PRKG1: variants seen among roughly 807,000 people sequenced by gnomAD.
PRKG1 encodes cGMP-dependent protein kinase 1.
Under a neutral mutation model 88.1 loss-of-function variants are expected in PRKG1, and 35 were observed. The ratio of observed to expected loss-of-function variants is 0.40; its 90% CI spans 0.30 to 0.53. The LOEUF (loss-of-function observed/expected upper bound fraction) is 0.53, where lower values mean the gene tolerates loss of function less well. Among genes scored for constraint, PRKG1 ranks in the 20% least tolerant of loss-of-function variants. The pLI, the probability that PRKG1 is intolerant of heterozygous loss-of-function variation, is 0.59. For missense variants in PRKG1, 540 were observed against 839.8 expected, an observed-to-expected ratio of 0.64 and a Z score of 4.41; for synonymous variants, 303 against 292.5, an observed-to-expected ratio of 1.04 and a Z score of -0.37.
chr10:51,020,126 G>A lies in PRKG1; in HGVS notation c.266+28482G>A, dbSNP rs746946263. On this transcript the variant is annotated intron_variant, in intron 1 of 17. Transcript: ENST00000401604. ...AAAATTAAAAATAGAATTACCATAC[G>A]AGCTAACTATTCTACTTTTACATGC... 5.9e-5 allele frequency among the ~76,000 whole-genome samples: 9 copies of A among 152,128 alleles called. No homozygotes were observed. The South Asian group carries it at 1.0e-3, about 18-fold the overall frequency.
intron 5 of PRKG1, among the ~76,000 whole-genome samples, chr10:52,024,336 TTTTA>T (rs1170532536): frequency 6.6e-6 from 1 of 151,910 alleles, no homozygotes; most frequent in Non-Finnish European, 1.5e-5. Context: ...TTATTCTTTT[TTTTA>T]TTATTATACT....
At chr10:51,144,616 A>C (rs763052739) in intron 1 of PRKG1, among the ~76,000 whole-genome samples, 1 of 152,146 alleles carries the variant, frequency 6.6e-6, no homozygotes, top group Non-Finnish European at 1.5e-5. Context: ...TTTTATGACT[A>C]GGAGCATGAT....
chr10:51,026,742 C>G (rs1843211756), intron 1 of PRKG1, among the ~76,000 whole-genome samples: 1 of 152,100 alleles, frequency 6.6e-6, no homozygotes. Flanking sequence ...TTTGTAATAG[C>G]TGTCAGTGAT....
intron 4 of PRKG1, among the ~76,000 whole-genome samples, chr10:51,829,302 C>G (rs1313194537): frequency 6.6e-6 from 1 of 152,056 alleles, no homozygotes; most frequent in Non-Finnish European, 1.5e-5. Context: ...GTATTTTATT[C>G]CTCAAAAGTG....
At chr10:51,142,800 C>G (rs1036891588) in intron 1 of PRKG1, among the ~76,000 whole-genome samples, 1 of 152,004 alleles carries the variant, frequency 6.6e-6, no homozygotes, top group African/African-American at 2.4e-5. Context: ...ACATGAAATG[C>G]TCTATGTAGA....
chr10:52,151,307 C>T (rs1285243512), intron 8 of PRKG1, among the ~76,000 whole-genome samples: 1 of 152,030 alleles, frequency 6.6e-6, no homozygotes, highest in Non-Finnish European at 1.5e-5. Flanking sequence ...ATAAGACGCT[C>T]ATTGTTGCCA....
chr10:51,825,004 T>G (rs2339858), intron 4 of PRKG1, among the ~76,000 whole-genome samples: 19,778 of 152,074 alleles, frequency 0.13, 1,653 homozygotes, highest in African/African-American at 0.24. Context: ...AAAAAATAGT[T>G]TTTCTCAAAT....
chr10:51,893,958 G>T (rs1233378418), intron 4 of PRKG1, among the ~76,000 whole-genome samples: 1 of 152,106 alleles, frequency 6.6e-6, no homozygotes, highest in Non-Finnish European at 1.5e-5. Context: ...CCAACAGATG[G>T]TTACAATACA....
At chr10:51,695,596 A>G (rs1841268061) in intron 3 of PRKG1, 2 of 152,210 alleles carry the variant, frequency 1.3e-5, no homozygotes, top group African/African-American at 4.8e-5. Context: ...TTTGAGATAA[A>G]GCAACTAGAA....
chr10:51,609,976 T>A (rs1838864039), intron 3 of PRKG1, among the ~76,000 whole-genome samples: 1 of 152,150 alleles, frequency 6.6e-6, no homozygotes, highest in Non-Finnish European at 1.5e-5. Flanking sequence ...CCTGCACATG[T>A]ACCCCAAACT....
chr10:51,884,848 G>T (rs923608918), intron 4 of PRKG1, among the ~76,000 whole-genome samples: 3 of 152,102 alleles, frequency 2.0e-5, no homozygotes, highest in Non-Finnish European at 4.4e-5. Flanking sequence ...CACCAGCCTA[G>T]GTCACATTCA....
chr10:51,164,113 CT>C (rs1846455812), intron 2 of PRKG1, among the ~76,000 whole-genome samples: 1 of 152,212 alleles, frequency 6.6e-6, no homozygotes, highest in Non-Finnish European at 1.5e-5. Flanking sequence ...TCCCTGACCC[CT>C]GACCCCCGAG....
rs1842415343 is a variant in PRKG1, at chr10:52,298,011, G to C, written c.*4111G>C. On this transcript the variant is annotated 3_prime_UTR_variant, in exon 18 of 18. Coordinates refer to ENST00000373980, the MANE Select transcript of PRKG1 (RefSeq NM_006258.4). ...GACCTTGGCAATGACTCAGAGGTTG[G>C]GGCTTTCTGAGTAAAGGGACATTTC... The C allele has an allele frequency of 6.6e-6, 1 of 152,068 alleles. No homozygotes were observed. The highest frequency in any genetic ancestry group is 1.5e-5 in the Non-Finnish European group (1 of 68,018). The allele number at this position is 152,068 out of a possible 1,614,324, so 9.4% of individuals were successfully genotyped here. A position where few individuals can be genotyped will look rare whatever the true frequency, so the allele number is the denominator to read the frequency against.
chr10:51,703,318 A>G (rs1841520464), intron 3 of PRKG1, among the ~76,000 whole-genome samples: 1 of 152,250 alleles, frequency 6.6e-6, no homozygotes, highest in South Asian at 2.1e-4. Context: ...AAGAACTACA[A>G]ATATTTTGAG....
At chr10:51,185,306 TA>T (rs1024847745) in intron 2 of PRKG1, among the ~76,000 whole-genome samples, 5 of 152,116 alleles carry the variant, frequency 3.3e-5, no homozygotes, top group Non-Finnish European at 7.4e-5. Flanking sequence ...CAATAAGTTA[TA>T]ATTATTTTCA....
At chr10:51,885,579 T>A (rs1487189752) in intron 4 of PRKG1, among the ~76,000 whole-genome samples, 1 of 152,212 alleles carries the variant, frequency 6.6e-6, no homozygotes, top group Non-Finnish European at 1.5e-5. Context: ...TCTAGTCTTC[T>A]TTTACTTCTC....
chr10:52,150,149 A>AAATAATAAG (rs1837863712), intron 8 of PRKG1, among the ~76,000 whole-genome samples: 1 of 82,396 alleles, frequency 1.2e-5, no homozygotes, highest in East Asian at 2.5e-4. Flanking sequence ...CTCCATCTCA[A>AAATAATAAG]AATAATAATA....
chr10:51,729,178 A>G (rs1379816226), intron 3 of PRKG1, among the ~76,000 whole-genome samples: 3 of 152,162 alleles, frequency 2.0e-5, no homozygotes, highest in Admixed American at 6.6e-5. Context: ...TGAACTGTCC[A>G]TTTGTCTTAT....
At chr10:51,633,800 C>T (rs1839586738) in intron 3 of PRKG1, among the ~76,000 whole-genome samples, 2 of 152,076 alleles carry the variant, frequency 1.3e-5, no homozygotes, top group Admixed American at 6.6e-5. Flanking sequence ...AATGTTGGCT[C>T]AATTTTTTTG....
Sources: gnomAD v4.1 joint callset for allele counts (sites outside exome capture counted in the v4.1 genomes callset) on GRCh38, gnomAD v4.1.1 for gene constraint, MANE v1.5 for transcripts, NCBI Gene and HGNC (gene_info 2026-07-23, HGNC 2026-07-21) for gene names.